Variants in NIPBL observed in about 807,000 individuals in gnomAD.
NIPBL encodes the protein NIPBL cohesin loading factor.
Under a neutral mutation model 321.8 loss-of-function variants are expected in NIPBL, and 19 were observed. The observed-to-expected ratio is 0.06, with a 90% CI of 0.04 to 0.09. The LOEUF (loss-of-function observed/expected upper bound fraction) is 0.09, where lower values mean the gene tolerates loss of function less well. NIPBL is among the 10% of genes least tolerant of loss of function. NIPBL has a pLI of 1.00. For synonymous variants in NIPBL, 1,106 were observed against 1,114.1 expected, an observed-to-expected ratio of 0.99 and a Z score of 0.14; for missense variants, 2,210 against 3,327.0, an observed-to-expected ratio of 0.66 and a Z score of 8.26.
chr5:37,026,806 A>C (rs1053057627), intron 31 of NIPBL, among the ~76,000 whole-genome samples: 3 of 152,004 alleles, frequency 2.0e-5, no homozygotes, highest in Non-Finnish European at 4.4e-5. Context: ...GAGACGGGGG[A>C]TCAAGAGATC....
At chr5:36,885,155 C>T in intron 1 of NIPBL, 4 of 471,508 alleles carry the variant, frequency 8.5e-6, no homozygotes, top group Admixed American at 2.4e-5. Context: ...AAATGCTATT[C>T]AGGGTCAGCA....
At chr5:37,060,091 A>G (rs575549357) in intron 44 of NIPBL, among the ~76,000 whole-genome samples, 1 of 152,322 alleles carries the variant, frequency 6.6e-6, no homozygotes, top group East Asian at 1.9e-4. Context: ...TCAAGTTTCC[A>G]TAAGCTTGTT....
chr5:37,065,091 G>A lies in NIPBL; in HGVS notation c.*199G>A. ...GTTGTGCAGCAGAAACAGATTCTCA[G>A]TTCATTTTTACTCCCACTGTATTAT... On this transcript the variant is annotated 3_prime_UTR_variant, in exon 47 of 47. Coordinates refer to ENST00000282516, the MANE Select transcript of NIPBL (RefSeq NM_133433.4). The A allele has an allele frequency of 1.6e-6, 1 of 631,280 alleles. No individual in the cohort carries two copies. The highest frequency in any genetic ancestry group is 2.7e-6 in the Non-Finnish European group (1 of 366,962). The allele number at this position is 631,280 out of a possible 1,614,324, so 39.1% of individuals were successfully genotyped here.
At chr5:37,007,899 C>T in intron 18 of NIPBL, 109 bp from the exon 19 acceptor site, 1 of 743,742 alleles carries the variant, frequency 1.3e-6, no homozygotes, top group South Asian at 1.5e-5. Context: ...AGAAAAAATG[C>T]TTTCTTAGTG....
Position 37,007,989 on chromosome 5 carries a change from A to T in NIPBL, c.4240-19A>T, listed in dbSNP as rs1747645482. On this transcript the variant is annotated intron_variant, in intron 18 of 46. Transcript: ENST00000282516. ...AATCAACTAAAGGTGTATACTACTT[A>T]CTCTTCTTTTTTAAACAGGTTTCAT... The T allele has an allele frequency of 7.0e-7, 1 of 1,430,166 alleles. No individual in the cohort carries two copies. The highest frequency in any genetic ancestry group is 9.9e-7 in the Non-Finnish European group (1 of 1,012,836). 88.6% of individuals were successfully genotyped at this position (1,430,166 alleles called of 1,614,324 possible). A position where few individuals can be genotyped will look rare whatever the true frequency, so the allele number is the denominator to read the frequency against.
chr5:37,004,920 C>T (rs1747247056), intron 16 of NIPBL, among the ~76,000 whole-genome samples: 1 of 152,088 alleles, frequency 6.6e-6, no homozygotes, highest in Non-Finnish European at 1.5e-5. Context: ...GGGAAATGCT[C>T]TTGGTGTTTA....
At chr5:37,013,782 T>C (rs1015238287) in intron 21 of NIPBL, among the ~76,000 whole-genome samples, 7 of 150,076 alleles carry the variant, frequency 4.7e-5, no homozygotes, top group Non-Finnish European at 7.4e-5. Context: ...CAGGCGGAGA[T>C]GCTCCTCACT....
At chr5:37,032,742 T>G (rs1751212720) in intron 32 of NIPBL, among the ~76,000 whole-genome samples, 2 of 152,186 alleles carry the variant, frequency 1.3e-5, no homozygotes, top group Admixed American at 1.3e-4. Flanking sequence ...GCCACTGCCC[T>G]TTCTTCTGGG....
chr5:37,017,684 CCTA>C (rs1293992460), intron 24 of NIPBL, among the ~76,000 whole-genome samples: 1 of 151,084 alleles, frequency 6.6e-6, no homozygotes, highest in Non-Finnish European at 1.5e-5. Context: ...GATTTCTAAT[CCTA>C]CTATATACAA....
At chr5:36,931,785 G>GTT (rs70976266) in intron 1 of NIPBL, among the ~76,000 whole-genome samples, 3 of 138,532 alleles carry the variant, frequency 2.2e-5, no homozygotes, top group Non-Finnish European at 4.7e-5. Context: ...TATGTCTCTG[G>GTT]TTTTTTTTTT....
At chr5:36,946,599 T>C (rs867019587) in intron 1 of NIPBL, among the ~76,000 whole-genome samples, 17 of 152,104 alleles carry the variant, frequency 1.1e-4, no homozygotes, top group Middle Eastern at 3.4e-3. Flanking sequence ...TGTATATATA[T>C]ACACACACAT....
At chr5:36,886,754 A>G (rs564380340) in intron 1 of NIPBL, among the ~76,000 whole-genome samples, 1 of 151,816 alleles carries the variant, frequency 6.6e-6, no homozygotes, top group South Asian at 2.1e-4. Context: ...AAAAGTTCCC[A>G]TGTATCCCTT....
At chr5:36,928,376 T>C (rs978411851) in intron 1 of NIPBL, among the ~76,000 whole-genome samples, 2 of 152,176 alleles carry the variant, frequency 1.3e-5, no homozygotes, top group African/African-American at 4.8e-5. Flanking sequence ...TACAACCAAA[T>C]CACAGTGTTT....
chr5:37,006,333 T>G, intron 16 of NIPBL, 24 bp from the exon 17 acceptor site: 1 of 1,254,540 alleles, frequency 8.0e-7, no homozygotes, highest in Middle Eastern at 1.9e-4. Flanking sequence ...TTATTTCCAT[T>G]TCATTAACAA....
chr5:36,877,105 C>A lies in NIPBL; in HGVS notation c.-153C>A, dbSNP rs914940999. ...GGAAGAGGAGCCGTAGCCACCCCCC[C>A]TCCCGGCCCGGATTATAGTCTCTCG... is the stretch of plus-strand genomic sequence containing the variant. On this transcript the variant is annotated 5_prime_UTR_variant, in exon 1 of 47. Transcript: ENST00000282516. 11 of 352,882 alleles carry A rather than the reference C, an allele frequency of 3.1e-5. No individual in the cohort carries two copies. The highest frequency in any genetic ancestry group is 4.7e-5 in the Admixed American group (1 of 21,264). The allele number at this position is 352,882 out of a possible 1,614,324, so 21.9% of individuals were successfully genotyped here.
chr5:37,005,414 A>G (rs1747315015), intron 16 of NIPBL, among the ~76,000 whole-genome samples: 1 of 152,098 alleles, frequency 6.6e-6, no homozygotes, highest in African/African-American at 2.4e-5. Flanking sequence ...GAGCTGGCTG[A>G]CTCAGTCTTA....
chr5:36,911,677 C>G (rs922141275), intron 1 of NIPBL, among the ~76,000 whole-genome samples: 1 of 152,122 alleles, frequency 6.6e-6, no homozygotes, highest in Admixed American at 6.5e-5. Flanking sequence ...AATATAGAGG[C>G]TCAGCAAATA....
chr5:36,996,353 C>T lies in NIPBL; in HGVS notation c.3304+549C>T, dbSNP rs1746145910. 2.2e-6 allele frequency: 1 copy of T among 453,406 alleles called. No homozygotes were observed. The highest frequency in any genetic ancestry group is 4.4e-6 in the Non-Finnish European group (1 of 225,338). 28.1% of individuals were successfully genotyped at this position (453,406 alleles called of 1,614,324 possible). A position where few individuals can be genotyped will look rare whatever the true frequency, so the allele number is the denominator to read the frequency against. ...AGATGAAGAAATATTTAAAACCATA[C>T]TATCACTAAATTATGAATGGATTAG... On this transcript the variant is annotated intron_variant, in intron 11 of 46. Coordinates refer to ENST00000282516, the MANE Select transcript of NIPBL (RefSeq NM_133433.4). This position sits in a 1 kb window ranked among gnomAD's most constrained non-coding sequence, Gnocchi z 5.0.
intron 1 of NIPBL, among the ~76,000 whole-genome samples, chr5:36,910,899 A>T (rs182109217): frequency 2.0e-5 from 3 of 152,312 alleles, no homozygotes; most frequent in African/African-American, 4.8e-5. Flanking sequence ...TGCTTAGTGA[A>T]TTGTGTTTTA....
Sources: gnomAD v4.1 joint callset for allele counts (sites outside exome capture counted in the v4.1 genomes callset) on GRCh38, gnomAD v4.1.1 for gene constraint, Gnocchi (gnomAD v3.1) non-coding constraint, MANE v1.5 for transcripts, NCBI Gene and HGNC (gene_info 2026-07-23, HGNC 2026-07-21) for gene names.